The following IFT172 variants were observed in gnomAD, a reference collection of about 807,000 sequenced individuals.
IFT172 encodes intraflagellar transport 172.
A neutral mutation model predicts 248.9 loss-of-function variants in IFT172; 164 were observed. The ratio of observed to expected loss-of-function variants is 0.66; its 90% CI spans 0.58 to 0.75. IFT172 has a LOEUF of 0.75. Among genes scored for constraint, IFT172 ranks in the 30% least tolerant of loss-of-function variants. The probability of loss-of-function intolerance (pLI) is 0.00; values close to 1 mark genes in which losing one functional copy is unlikely to be tolerated. For synonymous variants in IFT172, 729 were observed against 791.6 expected (o/e 0.92, Z 1.33); for missense variants, 1,950 against 2,192.4 (o/e 0.89, Z 2.21).
At chr2:27,446,478 T>G (rs1275825890) in intron 42 of IFT172, 123 bp from the exon 43 acceptor site, 6 of 772,996 alleles carry the variant, frequency 7.8e-6, no homozygotes, top group Non-Finnish European at 1.3e-5. Context: ...CTCTGGATTC[T>G]CAAGCTGTTC....
At chr2:27,460,790 C>CA (rs1316939997) in intron 23 of IFT172, among the ~76,000 whole-genome samples, 1 of 131,226 alleles carries the variant, frequency 7.6e-6, no homozygotes, top group Non-Finnish European at 1.6e-5. Context: ...TAAGGGAACT[C>CA]AGAGGCTGGC....
At chr2:27,472,409 T>A in intron 14 of IFT172, 47 bp from the exon 15 acceptor site, 5 of 1,435,900 alleles carry the variant, frequency 3.5e-6, no homozygotes, top group African/African-American at 1.4e-5. Context: ...TCCACACATA[T>A]ACATAGTATG....
chr2:27,480,165 T>C lies in IFT172; in HGVS notation c.786-16A>G, dbSNP rs769974669. ...CACCCGAAGCCTGAAATAAAGTATG[T>C]GGCTTTTAGAAGAGATTGAGGCTGA... On this transcript the variant is annotated splice_polypyrimidine_tract_variant and intron_variant, in intron 8 of 47. Transcript: ENST00000260570. 17 of 1,611,208 alleles carry C rather than the reference T, an allele frequency of 1.1e-5. No homozygotes were observed. Among genetic ancestry groups the C allele is most frequent in the African/African-American group, 2.7e-5 (2 of 74,826 alleles).
intron 11 of IFT172, 47 bp downstream of exon 11, chr2:27,477,948 A>G: frequency 6.2e-7 from 1 of 1,608,220 alleles, no homozygotes; most frequent in South Asian, 1.1e-5. Flanking sequence ...ACAAATATTA[A>G]GCCAAGATGC....
chr2:27,463,686 G>T (rs1666861295), intron 18 of IFT172, among the ~76,000 whole-genome samples: 1 of 152,170 alleles, frequency 6.6e-6, no homozygotes, highest in East Asian at 1.9e-4. Context: ...TAAGTTGGTA[G>T]TTGGAGGTCT....
intron 23 of IFT172, among the ~76,000 whole-genome samples, chr2:27,460,251 TA>T (rs1666547689): frequency 1.4e-5 from 2 of 141,898 alleles, no homozygotes; most frequent in South Asian, 4.8e-4. Context: ...TAATCTCAAG[TA>T]CCCAGGGACA....
chr2:27,480,144 C>A lies in IFT172; in HGVS notation c.791G>T (p.Arg264Leu), dbSNP rs976552782. 4.3e-6 allele frequency: 7 copies of A among 1,613,130 alleles called. No individual in the cohort carries two copies. In the African/African-American group the frequency reaches 8.0e-5, roughly 18 times the overall value. Residue 264 changes from arginine (R) to leucine (L), a missense_variant, in exon 9 of 48, where the codon CGG becomes CTG. Physicochemically the swap from Arg to Leu is moderately radical, Grantham distance 102. Coordinates refer to ENST00000260570, the MANE Select transcript of IFT172 (RefSeq NM_015662.3). ...SVVLGSYDRLRVFNWIPRRSI... is the reference protein window; with the variant it reads ...SVVLGSYDRLLVFNWIPRRSI... The stretch of plus-strand genomic sequence containing the variant: ...TCTTCGAGGGATCCAGTTGAACACC[C>A]GAAGCCTGAAATAAAGTATGTGGCT...
intron 35 of IFT172, among the ~76,000 whole-genome samples, chr2:27,450,966 T>TA (rs1665621941): frequency 6.7e-6 from 1 of 150,190 alleles, no homozygotes; most frequent in Non-Finnish European, 1.5e-5. Flanking sequence ...TTTTTTTTTT[T>TA]ACTCTTTTTA....
chr2:27,449,229 T>A (rs1665434439), intron 39 of IFT172, 65 bp downstream of exon 39: 8 of 1,591,130 alleles, frequency 5.0e-6, no homozygotes, highest in Non-Finnish European at 6.9e-6. Flanking sequence ...GAGATGCATC[T>A]TTGAGGCAGG....
chr2:27,484,301 C>T, intron 3 of IFT172, 35 bp from the exon 4 acceptor site: 1 of 1,611,854 alleles, frequency 6.2e-7, no homozygotes, highest in Non-Finnish European at 8.5e-7. Context: ...ATATTAAAAA[C>T]CACTTCCAGG....
chr2:27,477,012 A>G, intron 13 of IFT172: 1 of 615,034 alleles, frequency 1.6e-6, no homozygotes, highest in South Asian at 2.0e-5. Context: ...TTTAGTAGAG[A>G]TGGGGTTTCA....
rs1376320850 is a variant in IFT172 at position 27,465,783 on chromosome 2, C to T, written c.1792G>A (p.Glu598Lys). The T allele has an allele frequency of 1.9e-6, 3 of 1,613,982 alleles. No homozygotes were observed. The highest frequency in any genetic ancestry group is 2.2e-5 in the East Asian group (1 of 44,890). The stretch of plus-strand genomic sequence containing the variant: ...CCATCATCAATGGCTGTTCCAAACT[C>T]GATGAGGCCCTCATCCAATGTGTAG... ...VAYTLDEGLI[E>K]FGTAIDDGNY... is the part of the protein sequence containing the mutation. Residue 598 changes from glutamate to lysine, a missense_variant, in exon 17 of 48, where the codon GAG becomes AAG. By Grantham distance (56) the Glu-to-Lys change is moderately conservative (BLOSUM62 1). Around this residue, in one of 3 missense-constraint regions of IFT172, gnomAD observed 1,166 missense variants for 1,254.1 expected, o/e 0.93. Coordinates refer to ENST00000260570, the MANE Select transcript of IFT172 (RefSeq NM_015662.3).
intron 1 of IFT172, chr2:27,486,227 G>A: frequency 6.0e-6 from 1 of 167,312 alleles, no homozygotes. Context: ...TTTGAAGCCA[G>A]GCAAAGGAGT....
In IFT172 at chr2:27,478,108, G is replaced by A. The variant is rs776551883; in HGVS notation, c.1054C>T (p.His352Tyr). The stretch of plus-strand genomic sequence containing the variant: ...ACCTCTTCCACCTCATAGCCATAGT[G>A]TGACTTGAGCACCACTCGGGTTCCT... Reference protein sequence around the residue: ...SSGTRVVLKSHYGYEVEEVKI... With the variant: ...SSGTRVVLKSYYGYEVEEVKI... Residue 352 changes from histidine to tyrosine, a missense_variant, in exon 11 of 48, where the codon CAC becomes TAC. His to Tyr is a moderately conservative substitution (Grantham distance 83, BLOSUM62 2). Around this residue, in one of 3 missense-constraint regions of IFT172, gnomAD observed 1,166 missense variants for 1,254.1 expected, o/e 0.93. Transcript: ENST00000260570. 2.4e-5 allele frequency: 38 copies of A among 1,614,044 alleles called. No individual in the cohort carries two copies. The highest frequency in any genetic ancestry group is 3.0e-5 in the Non-Finnish European group (35 of 1,180,040).
chr2:27,480,238 A>G lies in IFT172; in HGVS notation c.786-89T>C. On this transcript the variant is annotated intron_variant, in intron 8 of 47. Transcript: ENST00000260570. ...ATAACCAAAGGAAATTAGTCTTGCTATATCAGAAAAGAAAGGAAATAAAAA... is the reference window on the plus strand; with the variant it reads ...ATAACCAAAGGAAATTAGTCTTGCTGTATCAGAAAAGAAAGGAAATAAAAA... 4.1e-6 allele frequency: 6 copies of G among 1,469,646 alleles called. No individual in the cohort carries two copies. The Admixed American group carries it at 7.2e-5, about 18-fold the overall frequency. The allele number at this position is 1,469,646 out of a possible 1,614,324, so 91.0% of individuals were successfully genotyped here.
intron 10 of IFT172, 99 bp downstream of exon 10, chr2:27,479,410 T>C: frequency 1.3e-6 from 1 of 753,380 alleles, no homozygotes; most frequent in African/African-American, 1.7e-5. Flanking sequence ...GGGATGAAGA[T>C]TAAATTTGAA....
At chr2:27,479,938 G>A in intron 9 of IFT172, 88 bp downstream of exon 9, 1 of 1,486,258 alleles carries the variant, frequency 6.7e-7, no homozygotes, top group Non-Finnish European at 9.0e-7. Flanking sequence ...ATTCTATAGT[G>A]TCAGGGAACA....
At chr2:27,453,902 A>T (rs750530244) in intron 33 of IFT172, 80 bp downstream of exon 33, 226 of 1,479,062 alleles carry the variant, frequency 1.5e-4, no homozygotes, top group Non-Finnish European at 2.1e-4. Context: ...ATCTTTCTTC[A>T]TACCAGGGGT....
intron 14 of IFT172, among the ~76,000 whole-genome samples, chr2:27,475,981 T>C (rs1335365350): frequency 6.6e-6 from 1 of 152,040 alleles, no homozygotes; most frequent in East Asian, 1.9e-4. Flanking sequence ...CTATTCTCTA[T>C]ACTACTTTTT....
Sources: gnomAD v4.1 joint callset for allele counts (sites outside exome capture counted in the v4.1 genomes callset) on GRCh38, gnomAD v4.1.1 for gene constraint, gnomAD v4.1.1 regional missense constraint, MANE v1.5 for transcripts, NCBI Gene and HGNC (gene_info 2026-07-23, HGNC 2026-07-21) for gene names.